INO80: variants seen among roughly 807,000 people sequenced by gnomAD.
INO80 encodes the protein chromatin-remodeling ATPase INO80.
Under a neutral mutation model 203.4 loss-of-function variants are expected in INO80, and 20 were observed. The observed-to-expected ratio is 0.10, with a 90% CI of 0.07 to 0.14. INO80 has a LOEUF of 0.14. INO80 is among the 10% of genes least tolerant of loss of function. INO80 has a pLI of 1.00. For synonymous variants in INO80, 726 were observed against 685.2 expected, an observed-to-expected ratio of 1.06 and a Z score of -0.93; for missense variants, 1,419 against 1,914.4, an observed-to-expected ratio of 0.74 and a Z score of 4.83.
chr15:41,079,096 C>T (rs1445888858), intron 9 of INO80, among the ~76,000 whole-genome samples: 1 of 152,092 alleles, frequency 6.6e-6, no homozygotes, highest in African/African-American at 2.4e-5. Context: ...GAGATTACGC[C>T]ACTGCACTCC....
chr15:41,100,538 C>T (rs74012205), intron 1 of INO80, among the ~76,000 whole-genome samples: 6,256 of 152,184 alleles, frequency 0.041, 448 homozygotes, highest in African/African-American at 0.14. Flanking sequence ...TGATTCATCC[C>T]AGAAATCATC....
chr15:41,096,429 G>T, intron 1 of INO80, 76 bp from the exon 2 acceptor site: 1 of 1,076,564 alleles, frequency 9.3e-7, no homozygotes, highest in South Asian at 2.1e-5. Context: ...TGTTCCCAAT[G>T]TGAAGAGAAA....
intron 4 of INO80, among the ~76,000 whole-genome samples, chr15:41,095,085 T>C (rs1301482384): frequency 1.3e-5 from 2 of 151,134 alleles, no homozygotes; most frequent in Non-Finnish European, 2.9e-5. Flanking sequence ...ACGCCTATAA[T>C]CCCAGCACTT....
chr15:40,998,983 T>TACACACACACACACACACACACAC (rs10650860), intron 28 of INO80, among the ~76,000 whole-genome samples: 33 of 140,434 alleles, frequency 2.3e-4, no homozygotes, highest in African/African-American at 8.1e-4. Flanking sequence ...AAGATTTATC[T>TACACACACACACACACACACACAC]ACACACACAC....
chr15:41,055,813 A>G (rs1307578312), intron 17 of INO80, among the ~76,000 whole-genome samples: 1 of 152,208 alleles, frequency 6.6e-6, no homozygotes. Flanking sequence ...AGCCATGGCC[A>G]TTCACTTATG....
At chr15:41,089,007 G>C (rs1180323212) in intron 5 of INO80, among the ~76,000 whole-genome samples, 1 of 151,884 alleles carries the variant, frequency 6.6e-6, no homozygotes, top group East Asian at 1.9e-4. Context: ...TGGCCAACAT[G>C]ATGAAACCAC....
chr15:41,026,431 T>C (rs756150647), intron 25 of INO80, among the ~76,000 whole-genome samples: 5 of 151,730 alleles, frequency 3.3e-5, no homozygotes, highest in Non-Finnish European at 5.9e-5. Flanking sequence ...TGCGCACCTG[T>C]AGTCCCAGCT....
chr15:41,005,501 T>A (rs1232364748), intron 28 of INO80, 92 bp downstream of exon 28: 7 of 620,358 alleles, frequency 1.1e-5, no homozygotes, highest in East Asian at 1.1e-4. Flanking sequence ...CAATCTCAGA[T>A]GTCCTGGCAT....
intron 4 of INO80, 106 bp from the exon 5 acceptor site, chr15:41,092,288 A>G (rs2045657196): frequency 4.9e-6 from 4 of 808,094 alleles, no homozygotes; most frequent in Non-Finnish European, 7.5e-6. Flanking sequence ...CAGCAGAAAG[A>G]TAGTCACTCC....
intron 25 of INO80, among the ~76,000 whole-genome samples, chr15:41,022,916 G>C (rs1234349522): frequency 6.6e-6 from 1 of 151,786 alleles, no homozygotes; most frequent in Non-Finnish European, 1.5e-5. Context: ...GCCTGGCCAA[G>C]ATGGCAAAAC....
intron 24 of INO80, among the ~76,000 whole-genome samples, chr15:41,028,299 C>T (rs866636332): frequency 6.6e-6 from 1 of 152,128 alleles, no homozygotes; most frequent in Non-Finnish European, 1.5e-5. Context: ...CCACACCTGG[C>T]AAATTGTTGC....
rs2044732671 is a variant in INO80, at chr15:41,045,109, T to C, written c.2736-34A>G. 4.5e-6 allele frequency: 7 copies of C among 1,548,498 alleles called. No individual in the cohort carries two copies. In the East Asian group the frequency reaches 1.1e-4, roughly 25 times the overall value. On this transcript the variant is annotated intron_variant, in intron 23 of 35. Transcript: ENST00000648947. Reference sequence around the variant, plus strand: ...AACCACAGCAGACACGCTTATTCAGTGCTCCATGGAGGTTTGAGGGTCGTT... The same window carrying C: ...AACCACAGCAGACACGCTTATTCAGCGCTCCATGGAGGTTTGAGGGTCGTT...
chr15:41,075,434 G>C (rs2045388385), intron 9 of INO80, among the ~76,000 whole-genome samples: 1 of 151,826 alleles, frequency 6.6e-6, no homozygotes, highest in African/African-American at 2.4e-5. Flanking sequence ...ACAATGCCTG[G>C]CTAATTTTTC....
intron 29 of INO80, among the ~76,000 whole-genome samples, chr15:40,995,224 C>T (rs1013988119): frequency 6.6e-6 from 1 of 152,072 alleles, no homozygotes; most frequent in African/African-American, 2.4e-5. Context: ...TAATTACTTA[C>T]AATGTATTTT....
chr15:41,005,733 T>G (rs755965629), intron 27 of INO80, 46 bp from the exon 28 acceptor site: 2 of 1,077,520 alleles, frequency 1.9e-6, no homozygotes, highest in East Asian at 2.4e-5. Flanking sequence ...TGCAAATTAC[T>G]GTATTCTGAT....
intron 1 of INO80, among the ~76,000 whole-genome samples, chr15:41,110,236 C>A (rs967725072): frequency 7.2e-5 from 11 of 151,786 alleles, no homozygotes; most frequent in African/African-American, 1.7e-4. Flanking sequence ...CCTCTACCTC[C>A]AGGGTTCAAG....
At chr15:40,999,517 A>T (rs1269837143) in intron 28 of INO80, 1 of 152,228 alleles carries the variant, frequency 6.6e-6, no homozygotes, top group Non-Finnish European at 1.5e-5. Flanking sequence ...CATGGATAAC[A>T]GACCACGGGT....
chr15:41,053,656 T>C (rs964461965), intron 19 of INO80, among the ~76,000 whole-genome samples: 6 of 152,222 alleles, frequency 3.9e-5, no homozygotes, highest in Non-Finnish European at 5.9e-5. Context: ...TTAATGATTA[T>C]TGTCACGGAA....
intron 29 of INO80, among the ~76,000 whole-genome samples, chr15:40,991,631 G>A (rs2043817897): frequency 6.6e-6 from 1 of 152,070 alleles, no homozygotes. Flanking sequence ...AGTAGTCAAT[G>A]CCTTCATGAC....
Sources: gnomAD v4.1 joint callset for allele counts (sites outside exome capture counted in the v4.1 genomes callset) on GRCh38, gnomAD v4.1.1 for gene constraint, MANE v1.5 for transcripts, NCBI Gene and HGNC (gene_info 2026-07-23, HGNC 2026-07-21) for gene names.